The following ATM variants were observed in gnomAD, a reference collection of about 807,000 sequenced individuals.
The protein encoded by ATM is serine-protein kinase ATM.
ATM carries 308 observed loss-of-function variants against 387.0 expected under a neutral mutation model. The ratio of observed to expected loss-of-function variants is 0.80; its 90% confidence interval spans 0.73 to 0.87. The LOEUF (loss-of-function observed/expected upper bound fraction) is 0.87. Among genes scored for constraint, ATM ranks in the 40% least tolerant of loss-of-function variants. ATM has a pLI of 0.00. For synonymous variants in ATM, 1,156 were observed against 1,187.3 expected (o/e 0.97, Z 0.54); for missense variants, 3,312 against 3,560.9 (o/e 0.93, Z 1.78).
chr11:108,335,264 C>A, intron 55 of ATM, 155 bp downstream of exon 55: 1 of 1,527,218 alleles, frequency 6.5e-7, no homozygotes. Context: ...TTTTCTAGAA[C>A]CAGGCTTTTC....
intron 61 of ATM, among the ~76,000 whole-genome samples, chr11:108,359,345 T>C (rs1322302597): frequency 6.6e-6 from 1 of 151,980 alleles, no homozygotes; most frequent in Non-Finnish European, 1.5e-5. Context: ...ACATTAATAA[T>C]GGGAGACTTT....
At position 108,330,400 on chromosome 11, in the gene ATM, T is replaced by C. The variant is rs34393781; in HGVS notation, c.7494T>C (p.Ser2498=). Residue 2498 remains serine (S), a synonymous_variant, in exon 50 of 63, where the codon TCT becomes TCC. Transcript: ENST00000675843. ...CSLWLENSGV[S]EVNGMMKRDG... The stretch of plus-strand genomic sequence containing the variant: ...TCTGGCTTGAAAATTCTGGAGTTTC[T>C]GAAGTCAATGGCATGATGAAGGCAA... 2.9e-4 allele frequency: 469 copies of C among 1,614,064 alleles called. 1 individual carries two copies. The highest frequency in any genetic ancestry group is 3.9e-4 in the Non-Finnish European group (465 of 1,180,006).
intron 61 of ATM, among the ~76,000 whole-genome samples, chr11:108,356,522 G>T (rs528511348): frequency 7.2e-6 from 1 of 138,684 alleles, no homozygotes; most frequent in Admixed American, 7.7e-5. Context: ...GGCGACAAGA[G>T]CAAGACTCTG....
chr11:108,309,330 C>T (rs575806495), intron 38 of ATM, among the ~76,000 whole-genome samples: 6 of 152,144 alleles, frequency 3.9e-5, no homozygotes, highest in Non-Finnish European at 8.8e-5. Flanking sequence ...TAACATTCAT[C>T]GGAAAATTAA....
chr11:108,362,952 TA>T (rs923571513), intron 61 of ATM, among the ~76,000 whole-genome samples: 5 of 151,408 alleles, frequency 3.3e-5, no homozygotes, highest in African/African-American at 1.2e-4. Flanking sequence ...AAGTATAATT[TA>T]AAAAAAACTA....
rs2136237859 is a variant in ATM, at chr11:108,321,286, C to CT, written c.6453-9dup. The CT allele has an allele frequency of 6.2e-7, 1 of 1,613,444 alleles. No homozygotes were observed. On this transcript the variant is annotated splice_polypyrimidine_tract_variant and intron_variant, in intron 44 of 62. Transcript: ENST00000675843. ...CTTCTTTATTTTCAGAGTGTCTTTT[C>CT]TTTTTTGCTACTAGAGTAAAAGAAG...
chr11:108,304,873 C>T (rs748970686), intron 37 of ATM, 21 bp downstream of exon 37: 12 of 1,610,122 alleles, frequency 7.5e-6, no homozygotes, highest in Non-Finnish European at 9.3e-6. Flanking sequence ...AAATTTTTAA[C>T]ATTAATACTG....
At chr11:108,265,232 A>G (rs1244921839) in intron 16 of ATM, among the ~76,000 whole-genome samples, 2 of 151,996 alleles carry the variant, frequency 1.3e-5, no homozygotes, top group Non-Finnish European at 2.9e-5. Flanking sequence ...ACTTCAAACT[A>G]TACTACAAGG....
chr11:108,293,425 G>A lies in ATM; in HGVS notation c.4724G>A (p.Arg1575His), dbSNP rs550552791. 8.9e-5 allele frequency: 144 copies of A among 1,612,438 alleles called. No individual in the cohort carries two copies. Among genetic ancestry groups the A allele is most frequent in the Non-Finnish European group, 1.2e-4 (136 of 1,179,008 alleles). The change falls in exon 31 of 63, where the codon CGT becomes CAT. Residue 1575 changes from arginine to histidine, a missense_variant. Physicochemically the swap from Arg to His is conservative, Grantham distance 29. This residue lies in a region of ATM where 1,405 missense variants were observed against 1,604.4 expected (regional missense o/e 0.88). Transcript: ENST00000675843. The part of the protein sequence containing the change: ...FPDHVVFKDL[R>H]ITQQKIKYSR... Reference sequence around the variant, plus strand: ...GACCATGTTGTTTTTAAGGATTTGCGTATTACTCAGCAAAAAATCAAATAC... The same window carrying A: ...GACCATGTTGTTTTTAAGGATTTGCATATTACTCAGCAAAAAATCAAATAC...
chr11:108,301,165 A>G (rs536872566), intron 34 of ATM, among the ~76,000 whole-genome samples: 4 of 152,208 alleles, frequency 2.6e-5, no homozygotes, highest in Admixed American at 2.6e-4. Flanking sequence ...CATTCATTTC[A>G]TAGTAATTCG....
chr11:108,262,583 C>T (rs1238689852), intron 16 of ATM, among the ~76,000 whole-genome samples: 1 of 152,132 alleles, frequency 6.6e-6, no homozygotes, highest in Admixed American at 6.5e-5. Context: ...AACTAATGAG[C>T]AAAATAACCA....
In ATM at chr11:108,365,186, T is replaced by A. The variant is rs755561691; in HGVS notation, c.8955T>A (p.Asn2985Lys). ...AAACTGAGCTTCACCCTACTCTGAATGCAGATGACCAAGAATGCAAACGAA... is the reference window on the plus strand; with the variant it reads ...AAACTGAGCTTCACCCTACTCTGAAAGCAGATGACCAAGAATGCAAACGAA... ...EDETELHPTL[N>K]ADDQECKRNL... Residue 2985 changes from asparagine to lysine, a missense_variant, in exon 62 of 63, where the codon AAT (asparagine) becomes AAA (lysine). Coordinates refer to ENST00000675843, the MANE Select transcript of ATM (RefSeq NM_000051.4). 6.2e-7 allele frequency: 1 copy of A among 1,614,238 alleles called. No individual in the cohort carries two copies. The highest frequency in any genetic ancestry group is 8.5e-7 in the Non-Finnish European group (1 of 1,180,038).
At chr11:108,341,449 G>A (rs780573844) in intron 56 of ATM, among the ~76,000 whole-genome samples, 1 of 152,026 alleles carries the variant, frequency 6.6e-6, no homozygotes, top group Non-Finnish European at 1.5e-5. Flanking sequence ...AACTTTATGA[G>A]GGCATAGTCT....
chr11:108,257,725 T>C (rs982354165), intron 15 of ATM, 119 bp downstream of exon 15: 2 of 1,017,374 alleles, frequency 2.0e-6, no homozygotes, highest in African/African-American at 3.2e-5. Context: ...TTTCCAGCAA[T>C]TCTCCTGCCT....
At chr11:108,359,640 T>A (rs1233622917) in intron 61 of ATM, among the ~76,000 whole-genome samples, 1 of 152,040 alleles carries the variant, frequency 6.6e-6, no homozygotes, top group Non-Finnish European at 1.5e-5. Flanking sequence ...GGATTAAGAA[T>A]CTCACTCAAA....
chr11:108,272,959 T>C, intron 22 of ATM, 107 bp downstream of exon 22: 2 of 1,385,528 alleles, frequency 1.4e-6, no homozygotes, highest in Non-Finnish European at 2.0e-6. Flanking sequence ...CTAACACTTG[T>C]TGAGTATATA....
At chr11:108,319,846 A>G in intron 43 of ATM, 108 bp from the exon 44 acceptor site, 1 of 751,236 alleles carries the variant, frequency 1.3e-6, no homozygotes, top group East Asian at 2.6e-5. Context: ...ATTTTTTAGA[A>G]TGGAGAAATG....
intron 59 of ATM, among the ~76,000 whole-genome samples, chr11:108,352,727 A>G (rs561887656): frequency 6.6e-6 from 1 of 152,372 alleles, no homozygotes; most frequent in Admixed American, 6.5e-5. Context: ...CTACTCAGCA[A>G]TGAAAAGAAA....
intron 40 of ATM, among the ~76,000 whole-genome samples, chr11:108,315,213 A>G (rs901310414): frequency 1.3e-5 from 2 of 152,200 alleles, no homozygotes; most frequent in African/African-American, 4.8e-5. Flanking sequence ...CAACACAATA[A>G]TGCTTACCAC....
Sources: gnomAD v4.1 joint callset for allele counts (sites outside exome capture counted in the v4.1 genomes callset) on GRCh38, gnomAD v4.1.1 for gene constraint, gnomAD v4.1.1 regional missense constraint, MANE v1.5 for transcripts, NCBI Gene and HGNC (gene_info 2026-07-23, HGNC 2026-07-21) for gene names.